The following API5 variants were observed in gnomAD, a reference collection of about 807,000 sequenced individuals.
API5 encodes FIF.
API5 carries 6 observed loss-of-function variants against 71.9 expected under a neutral mutation model. That is an observed-to-expected ratio of 0.08 (90% CI 0.05 to 0.16). The LOEUF is 0.16. Ranked by LOEUF, API5 falls within the 10% of genes least tolerant of loss-of-function variation. The probability of loss-of-function intolerance (pLI) is 1.00; values close to 1 mark genes in which losing one functional copy is unlikely to be tolerated. For missense variants in API5, 332 were observed against 612.8 expected (o/e 0.54, Z 4.84); for synonymous variants, 189 against 221.3 (o/e 0.85, Z 1.30).
intron 13 of API5, 135 bp from the exon 14 acceptor site, chr11:43,342,293 G>A: frequency 2.8e-6 from 2 of 708,354 alleles, no homozygotes; most frequent in Non-Finnish European, 4.7e-6. Flanking sequence ...TAAATTTGTA[G>A]ATTGAATAGC....
chr11:43,318,420 G>C, intron 1 of API5: 1 of 1,532,222 alleles, frequency 6.5e-7, no homozygotes, highest in South Asian at 1.2e-5. Context: ...CTTAAAATTA[G>C]ACTCATCCAT....
At chr11:43,341,163 G>GA (rs1041483234) in intron 13 of API5, among the ~76,000 whole-genome samples, 2 of 152,120 alleles carry the variant, frequency 1.3e-5, no homozygotes, top group African/African-American at 2.4e-5. Context: ...ATAAATGTAT[G>GA]AAAAAATTCT....
At position 43,321,395 on chromosome 11, in the gene API5, CT is replaced by C; in HGVS notation, c.326-11del. The C allele has an allele frequency of 6.3e-7, 1 of 1,596,120 alleles. No individual in the cohort carries two copies. The highest frequency in any genetic ancestry group is 1.7e-5 in the Admixed American group (1 of 57,204). On this transcript the variant is annotated splice_polypyrimidine_tract_variant and intron_variant, in intron 3 of 13. Transcript: ENST00000531273. ...AATTTGTTTTATATTCATTATGCCA[CT>C]TTTTCTTTATCCAGATGACTCTGCA... is the stretch of plus-strand genomic sequence containing the variant.
chr11:43,329,898 A>G, intron 9 of API5, 67 bp from the exon 10 acceptor site: 5 of 1,337,476 alleles, frequency 3.7e-6, no homozygotes, highest in Admixed American at 1.7e-5. Context: ...TTGCTGTAGT[A>G]TAAGATTGAG....
rs529568176 is a variant in API5 at position 43,322,731 on chromosome 11, G to GT, written c.543+597dup. Among the ~76,000 whole-genome samples, 58 of 152,260 alleles carry GT rather than the reference G, an allele frequency of 3.8e-4. No homozygotes were observed. In the East Asian group the frequency reaches 8.9e-3, roughly 23 times the overall value. On this transcript the variant is annotated intron_variant, in intron 5 of 13. Coordinates refer to ENST00000531273, the MANE Select transcript of API5 (RefSeq NM_001142930.2). ...ATTTTATCTAAAGCATGTGATCACT[G>GT]TTATGGTTCAGGCTTTAGAAATTTC...
At chr11:43,339,092 A>C (rs150143774) in intron 13 of API5, 3 of 152,200 alleles carry the variant, frequency 2.0e-5, no homozygotes, top group East Asian at 1.9e-4. Flanking sequence ...AATGGTTTGC[A>C]TACTAATCAG....
chr11:43,334,045 G>C lies in API5; in HGVS notation c.1279-1233G>C, dbSNP rs1780197005. Among the ~76,000 whole-genome samples the C allele has an allele frequency of 1.3e-5, 2 of 152,084 alleles. 1 individual carries two copies. Among genetic ancestry groups the C allele is most frequent in the South Asian group, 4.1e-4 (2 of 4,822 alleles). ...CAGTTGCTTTAATCCACAGATGCAG[G>C]AACCATGGGCACAGTGGGCAAACTG... On this transcript the variant is annotated intron_variant, in intron 11 of 13. Coordinates refer to ENST00000531273, the MANE Select transcript of API5 (RefSeq NM_001142930.2).
chr11:43,320,973 ACT>A (rs895798807), intron 3 of API5, 59 bp downstream of exon 3: 2 of 1,442,386 alleles, frequency 1.4e-6, no homozygotes, highest in African/African-American at 2.8e-5. Context: ...TGAAATGTTG[ACT>A]CTGTTTTTAG....
In API5 at chr11:43,331,603, G is replaced by C. The variant is rs1395709455; in HGVS notation, c.1278+1039G>C. ...AAGAGGAGGGGTTGGTCTTGTCTCA[G>C]GGGTAGCAGGCAAAAGAGGTGGAAG... On this transcript the variant is annotated intron_variant, in intron 11 of 13. Transcript: ENST00000531273. Among the ~76,000 whole-genome samples the C allele has an allele frequency of 3.0e-4, 46 of 152,242 alleles. 1 individual carries two copies. Among genetic ancestry groups the C allele is most frequent in the Middle Eastern group, 3.4e-3 (1 of 294 alleles).
chr11:43,336,608 G>A (rs1015012472), intron 13 of API5, among the ~76,000 whole-genome samples: 10 of 152,278 alleles, frequency 6.6e-5, no homozygotes, highest in African/African-American at 2.2e-4. Context: ...TCCCACGGCT[G>A]TCGAATCAAA....
rs1855084192 is a variant in API5 at position 43,326,601 on chromosome 11, T to C, written c.845T>C (p.Ile282Thr). ...TLTTPVEGLDIQLEVLKLLAE... is the reference protein window; with the variant it reads ...TLTTPVEGLDTQLEVLKLLAE... The stretch of plus-strand genomic sequence containing the variant: ...ACTACCCCAGTGGAAGGTCTTGATA[T>C]ACAGTTGGAGGTAAGCAAAAATTTC... Residue 282 changes from isoleucine to threonine, a missense_variant, in exon 7 of 14, where the codon ATA becomes ACA. This residue lies in a region of API5 where 168 missense variants were observed against 343.9 expected (regional missense o/e 0.49). Transcript: ENST00000531273. The C allele has an allele frequency of 1.2e-6, 2 of 1,605,702 alleles. No homozygotes were observed. The highest frequency in any genetic ancestry group is 2.2e-5 in the East Asian group (1 of 44,744).
At position 43,342,807 on chromosome 11, in the gene API5, G is replaced by C; in HGVS notation, c.*297G>C. 1 of 590,884 alleles carries C rather than the reference G, an allele frequency of 1.7e-6. No homozygotes were observed. The allele number at this position is 590,884 out of a possible 1,614,324, so 36.6% of individuals were successfully genotyped here. ...ACATCTTGATAATTTGTTGTTGAGAGCTGTTCATTCTAAAATGTAATGAAA... is the reference window on the plus strand; with the variant it reads ...ACATCTTGATAATTTGTTGTTGAGACCTGTTCATTCTAAAATGTAATGAAA... On this transcript the variant is annotated 3_prime_UTR_variant, in exon 14 of 14. Transcript: ENST00000531273.
chr11:43,322,636 T>C (rs1455433126), intron 5 of API5, among the ~76,000 whole-genome samples: 1 of 152,196 alleles, frequency 6.6e-6, no homozygotes, highest in Admixed American at 6.5e-5. Context: ...CACAATTAAC[T>C]TTTCACTCAT....
intron 2 of API5, chr11:43,319,133 TTACTTGGATATTTA>T: frequency 4.2e-6 from 1 of 238,316 alleles, no homozygotes; most frequent in South Asian, 1.2e-4. Flanking sequence ...CAATTTGTGC[TTACTTGGATATTTA>T]AATTATTAAG....
At position 43,342,884 on chromosome 11, in the gene API5, T is replaced by C. The variant is rs1855669655; in HGVS notation, c.*374T>C. 2 of 512,856 alleles carry C rather than the reference T, an allele frequency of 3.9e-6. No homozygotes were observed. Among genetic ancestry groups the C allele is most frequent in the African/African-American group, 1.9e-5 (1 of 51,716 alleles). The allele number at this position is 512,856 out of a possible 1,614,324, so 31.8% of individuals were successfully genotyped here. On this transcript the variant is annotated 3_prime_UTR_variant, in exon 14 of 14. Transcript: ENST00000531273. ...CATCAGTTTTGAAAGGTTACTGATT[T>C]TCCTCTTCCCTCTTAGTTTTTTACC...
intron 1 of API5, 87 bp downstream of exon 1, chr11:43,312,283 G>T: frequency 6.9e-7 from 1 of 1,448,542 alleles, no homozygotes; most frequent in South Asian, 1.2e-5. Flanking sequence ...GGGCCGAGCG[G>T]GGGCTGCGGC....
intron 7 of API5, among the ~76,000 whole-genome samples, chr11:43,327,061 A>G (rs916023887): frequency 6.6e-6 from 1 of 152,198 alleles, no homozygotes; most frequent in African/African-American, 2.4e-5. Context: ...CTCTCCCTAC[A>G]TTTAATCTGA....
intron 1 of API5, among the ~76,000 whole-genome samples, chr11:43,314,552 T>C (rs1854604415): frequency 6.6e-6 from 1 of 152,332 alleles, no homozygotes; most frequent in South Asian, 2.1e-4. Flanking sequence ...TAATGAGGAC[T>C]CCATGCTTTA....
chr11:43,312,340 G>T lies in API5; in HGVS notation c.69+144G>T, dbSNP rs5743214. On this transcript the variant is annotated intron_variant, in intron 1 of 13. Transcript: ENST00000531273. ...AGCCTCCTCAGGCCGTCTCGTCGGG[G>T]TGGGCCTCTCTGGGAGTGTAGACTC... The T allele has an allele frequency of 8.6e-4, 752 of 869,936 alleles. 3 individuals are homozygous for T. The African/African-American group carries it at 9.8e-3, about 11-fold the overall frequency. The allele number at this position is 869,936 out of a possible 1,614,324, so 53.9% of individuals were successfully genotyped here.
Sources: gnomAD v4.1 joint callset for allele counts (sites outside exome capture counted in the v4.1 genomes callset) on GRCh38, gnomAD v4.1.1 for gene constraint, gnomAD v4.1.1 regional missense constraint, MANE v1.5 for transcripts, NCBI Gene and HGNC (gene_info 2026-07-23, HGNC 2026-07-21) for gene names.